Variants in PKIG observed in about 807,000 individuals in gnomAD.
PKIG encodes the protein protein kinase (cAMP-dependent, catalytic) inhibitor gamma.
In PKIG, 1 loss-of-function variant was observed where a neutral mutation model predicts 6.8. That is an observed-to-expected ratio of 0.15 (90% confidence interval 0.05 to 0.69). The LOEUF is 0.69. Among genes scored for constraint, PKIG ranks in the 30% least tolerant of loss-of-function variants. The probability of loss-of-function intolerance (pLI) is 0.82; values close to 1 mark genes in which losing one functional copy is unlikely to be tolerated. For missense variants in PKIG, 77 were observed against 104.0 expected, an observed-to-expected ratio of 0.74 and a Z score of 1.13; for synonymous variants, 39 against 43.0, an observed-to-expected ratio of 0.91 and a Z score of 0.36.
chr20:44,592,779 G>T (rs556877584), intron 2 of PKIG, among the ~76,000 whole-genome samples: 1 of 152,310 alleles, frequency 6.6e-6, no homozygotes, highest in Admixed American at 6.5e-5. Context: ...TGAACAGGCA[G>T]TTCAGCCTGT....
rs958249031 is a variant in PKIG, at chr20:44,589,846, A to T, written c.-44A>T. The T allele has an allele frequency of 6.6e-6, 1 of 152,374 alleles. No individual in the cohort carries two copies. Among genetic ancestry groups the T allele is most frequent in the Non-Finnish European group, 1.5e-5 (1 of 68,038 alleles). 9.4% of individuals were successfully genotyped at this position (152,374 alleles called of 1,614,324 possible). The stretch of plus-strand genomic sequence containing the variant: ...GTGGAAAATCTGAAGAGATGCAAGC[A>T]GGAAAAAGAAATTAAACCAGGTAGG... On this transcript the variant is annotated 5_prime_UTR_variant, in exon 2 of 4. Coordinates refer to ENST00000372886, the MANE Select transcript of PKIG (RefSeq NM_001281445.2).
chr20:44,575,953 T>A (rs1381011168), intron 1 of PKIG, among the ~76,000 whole-genome samples: 2 of 152,152 alleles, frequency 1.3e-5, no homozygotes, highest in East Asian at 3.8e-4. Flanking sequence ...TTTCCAATGG[T>A]GCTTTCTTGT....
At chr20:44,580,106 G>A (rs952238880), upstream of PKIG, among the ~76,000 whole-genome samples, 5 of 152,194 alleles carry the variant, frequency 3.3e-5, no homozygotes, top group Non-Finnish European at 5.9e-5. Context: ...AAAGGATGAT[G>A]AAATGGTCAG....
intron 3 of PKIG, 120 bp from the exon 4 acceptor site, chr20:44,618,160 TCCAGC>T (rs11468454): frequency 0.14 from 98,412 of 705,870 alleles, 7,391 homozygotes; most frequent in African/African-American, 0.28. Flanking sequence ...TCAGTCCAGC[TCCAGC>T]TCGTCTTGCT....
At chr20:44,585,874 C>G (rs2064986251) in intron 1 of PKIG, among the ~76,000 whole-genome samples, 1 of 152,232 alleles carries the variant, frequency 6.6e-6, no homozygotes, top group Non-Finnish European at 1.5e-5. Flanking sequence ...TTTAGACAAT[C>G]TAGAGGGCAG....
intron 1 of PKIG, among the ~76,000 whole-genome samples, chr20:44,569,699 C>G (rs758428891): frequency 3.9e-5 from 6 of 152,122 alleles, no homozygotes; most frequent in African/African-American, 9.7e-5. Flanking sequence ...CTCGGCCTCC[C>G]GAGTTCAAGA....
intron 1 of PKIG, among the ~76,000 whole-genome samples, chr20:44,552,584 A>G (rs2064678864): frequency 6.6e-6 from 1 of 152,174 alleles, no homozygotes; most frequent in Non-Finnish European, 1.5e-5. Flanking sequence ...GGCACTTTTG[A>G]ATCAAATCTG....
At chr20:44,559,343 C>T (rs1331611863) in intron 1 of PKIG, among the ~76,000 whole-genome samples, 1 of 152,098 alleles carries the variant, frequency 6.6e-6, no homozygotes, top group Non-Finnish European at 1.5e-5. Context: ...TGCTATTGTT[C>T]ACATAGATAC....
intron 2 of PKIG, among the ~76,000 whole-genome samples, chr20:44,612,763 T>C (rs918008333): frequency 6.6e-6 from 1 of 152,166 alleles, no homozygotes; most frequent in African/African-American, 2.4e-5. Context: ...AATCTAAAAA[T>C]TATTTCACCC....
intron 1 of PKIG, among the ~76,000 whole-genome samples, chr20:44,540,515 T>C (rs764296163): frequency 6.6e-6 from 1 of 152,212 alleles, no homozygotes; most frequent in African/African-American, 2.4e-5. Flanking sequence ...ACATGAGTTA[T>C]GTGAAAAACC....
At chr20:44,579,248 C>CA (rs1440068639), upstream of PKIG, among the ~76,000 whole-genome samples, 1 of 152,130 alleles carries the variant, frequency 6.6e-6, no homozygotes, top group Non-Finnish European at 1.5e-5. Context: ...AAGAGAGAAA[C>CA]AGAGCATACT....
rs879699496 is a variant in PKIG, at chr20:44,544,355, G to A, written c.-241+12377G>A. 4.6e-5 allele frequency among the ~76,000 whole-genome samples: 7 copies of A among 152,076 alleles called. No individual in the cohort carries two copies. The East Asian group carries it at 9.6e-4, about 21-fold the overall frequency. The stretch of plus-strand genomic sequence containing the variant: ...TGAATGGACGCTGAGTAGATTGGTC[G>A]AAGAGGAATTGTGTTGGCTGCTGAT... On this transcript the variant is annotated intron_variant, in intron 1 of 4. Transcript: ENST00000372887.
intron 1 of PKIG, among the ~76,000 whole-genome samples, chr20:44,560,500 A>G (rs756231862): frequency 6.6e-5 from 10 of 152,288 alleles, no homozygotes; most frequent in Non-Finnish European, 1.5e-4. Flanking sequence ...TACCAAAGCC[A>G]TTTTTGTTCT....
At chr20:44,551,141 C>T (rs1411542110) in intron 1 of PKIG, among the ~76,000 whole-genome samples, 2 of 152,088 alleles carry the variant, frequency 1.3e-5, no homozygotes. Context: ...GCAAGCTTCG[C>T]CTCCCGGGTT....
At chr20:44,539,735 T>G (rs1450481005) in intron 1 of PKIG, among the ~76,000 whole-genome samples, 2 of 151,586 alleles carry the variant, frequency 1.3e-5, no homozygotes, top group Non-Finnish European at 3.0e-5. Flanking sequence ...TTGTAAACTT[T>G]CTTAAAACAT....
intron 2 of PKIG, among the ~76,000 whole-genome samples, chr20:44,590,167 C>T (rs1242396750): frequency 6.6e-6 from 1 of 152,008 alleles, no homozygotes; most frequent in Non-Finnish European, 1.5e-5. Context: ...TAAGCTTAAG[C>T]AGGTGGAATC....
chr20:44,550,338 C>T (rs372148093), intron 1 of PKIG, among the ~76,000 whole-genome samples: 2 of 151,372 alleles, frequency 1.3e-5, no homozygotes, highest in African/African-American at 2.4e-5. Flanking sequence ...CCATTTAGCC[C>T]GTCCCTAAAG....
upstream of PKIG, among the ~76,000 whole-genome samples, chr20:44,582,226 A>G (rs939944650): frequency 1.3e-5 from 2 of 152,216 alleles, no homozygotes; most frequent in Non-Finnish European, 2.9e-5. Context: ...CTAGTATATT[A>G]TATACCAAAG....
chr20:44,536,219 A>G (rs1361311482), intron 1 of PKIG, among the ~76,000 whole-genome samples: 1 of 152,212 alleles, frequency 6.6e-6, no homozygotes, highest in Admixed American at 6.5e-5. Context: ...ATCGATGGTC[A>G]CTTTGAGTTG....
Sources: gnomAD v4.1 joint callset for allele counts (sites outside exome capture counted in the v4.1 genomes callset) on GRCh38, gnomAD v4.1.1 for gene constraint, MANE v1.5 for transcripts, NCBI Gene and HGNC (gene_info 2026-07-23, HGNC 2026-07-21) for gene names.